The following SETX variants were observed in gnomAD, a reference collection of about 807,000 sequenced individuals.
SETX encodes helicase senataxin.
SETX carries 90 observed loss-of-function variants against 227.2 expected under a neutral mutation model. That is an observed-to-expected ratio of 0.40 (90% CI 0.33 to 0.47). The LOEUF is 0.47. Among genes scored for constraint, SETX ranks in the 20% least tolerant of loss-of-function variants. The pLI, the probability that SETX is intolerant of heterozygous loss-of-function variation, is 0.91. For missense variants in SETX, 3,052 were observed against 3,181.5 expected, an observed-to-expected ratio of 0.96 and a Z score of 0.98; for synonymous variants, 1,210 against 1,113.2, an observed-to-expected ratio of 1.09 and a Z score of -1.73.
At chr9:132,306,645 T>G (rs1451759993) in intron 11 of SETX, among the ~76,000 whole-genome samples, 5 of 152,250 alleles carry the variant, frequency 3.3e-5, no homozygotes, top group African/African-American at 4.8e-5. Context: ...AAATTCATCT[T>G]TGTTGATTTA....
At chr9:132,324,622 C>T (rs1449023758) in intron 10 of SETX, among the ~76,000 whole-genome samples, 2 of 152,178 alleles carry the variant, frequency 1.3e-5, no homozygotes, top group Non-Finnish European at 2.9e-5. Flanking sequence ...TGTTCTAGAT[C>T]ATACTAGAGT....
chr9:132,311,668 C>T (rs575398593), intron 11 of SETX, 89 bp downstream of exon 11: 6 of 905,226 alleles, frequency 6.6e-6, no homozygotes, highest in South Asian at 2.9e-5. Flanking sequence ...AATTTGTGTC[C>T]CCCTAAATTC....
chr9:132,285,156 C>T (rs1041315810), intron 18 of SETX, among the ~76,000 whole-genome samples: 1 of 151,980 alleles, frequency 6.6e-6, no homozygotes, highest in East Asian at 1.9e-4. Context: ...GGAGTACAGG[C>T]GTGAGCCACC....
intron 3 of SETX, 26 bp downstream of exon 3, chr9:132,349,226 A>C: frequency 6.2e-7 from 1 of 1,610,442 alleles, no homozygotes; most frequent in Non-Finnish European, 8.5e-7. Context: ...AGCTCTGAAA[A>C]ATATTGCCCA....
intron 11 of SETX, among the ~76,000 whole-genome samples, chr9:132,308,179 G>T (rs970183799): frequency 2.0e-5 from 3 of 152,148 alleles, no homozygotes; most frequent in African/African-American, 7.2e-5. Context: ...ACAAGCAGCT[G>T]TGATTATCAG....
chr9:132,287,673 T>A (rs2131241880), intron 17 of SETX, among the ~76,000 whole-genome samples: 1 of 151,216 alleles, frequency 6.6e-6, no homozygotes, highest in Non-Finnish European at 1.5e-5. Context: ...TACTAGAATA[T>A]CTTGCCCTTT....
chr9:132,322,934 C>T (rs775665046), intron 10 of SETX, among the ~76,000 whole-genome samples: 63 of 151,958 alleles, frequency 4.1e-4, no homozygotes, highest in Middle Eastern at 3.4e-3. Context: ...TAAAAATACG[C>T]TAAAAAGGAT....
Position 132,278,401 on chromosome 9 carries a change from GGT to G in SETX, c.6655-146_6655-145del, listed in dbSNP as rs1459091309. On this transcript the variant is annotated intron_variant, in intron 20 of 25. Transcript: ENST00000224140. ...ACCAACCACAGCTTCAGAGAAAAAA[GGT>G]GTTTCTGACTCTGAGCCTCAAAATG... is the stretch of plus-strand genomic sequence containing the variant. The G allele has an allele frequency of 1.0e-5, 5 of 487,656 alleles. No individual in the cohort carries two copies. The East Asian group carries it at 1.8e-4, about 18-fold the overall frequency. 30.2% of individuals were successfully genotyped at this position (487,656 alleles called of 1,614,324 possible). A position where few individuals can be genotyped will look rare whatever the true frequency, so the allele number is the denominator to read the frequency against.
chr9:132,269,484 A>T, intron 25 of SETX, 131 bp downstream of exon 25: 1 of 1,596,886 alleles, frequency 6.3e-7, no homozygotes, highest in Non-Finnish European at 8.6e-7. Flanking sequence ...TCCTAGGAAG[A>T]AGTTGCTGGA....
intron 10 of SETX, among the ~76,000 whole-genome samples, chr9:132,315,748 A>C (rs1051632113): frequency 6.6e-6 from 1 of 152,128 alleles, no homozygotes; most frequent in Non-Finnish European, 1.5e-5. Flanking sequence ...ATTCTTCCTT[A>C]CCCATCTCAG....
At chr9:132,269,479 GGAA>G in intron 25 of SETX, 133 bp downstream of exon 25, 1 of 1,595,734 alleles carries the variant, frequency 6.3e-7, no homozygotes, top group Non-Finnish European at 8.6e-7. Flanking sequence ...AAAGCTCCTA[GGAA>G]GAAGTTGCTG....
rs1011378 is a variant in SETX, at chr9:132,330,572, A to G, written c.1099-73T>C. On this transcript the variant is annotated intron_variant, in intron 9 of 25. Transcript: ENST00000224140. ...GACAGGTTCAACACCCAAGTCGTTA[A>G]GAAAAATACGTTTCTCAACTCTCTT... 62,228 of 1,293,326 alleles carry G rather than the reference A, an allele frequency of 0.048. 2,521 individuals carry two copies. The highest frequency in any genetic ancestry group is 0.25 in the East Asian group (10,334 of 41,762). The allele number at this position is 1,293,326 out of a possible 1,614,324, so 80.1% of individuals were successfully genotyped here.
intron 25 of SETX, among the ~76,000 whole-genome samples, 165 bp from the exon 26 acceptor site, chr9:132,265,150 A>G (rs1842578182): frequency 6.6e-6 from 1 of 150,626 alleles, no homozygotes; most frequent in African/African-American, 2.5e-5. Context: ...AAATAAATTC[A>G]AATAAAAAAT....
At chr9:132,316,685 T>C (rs774270589) in intron 10 of SETX, among the ~76,000 whole-genome samples, 5 of 152,194 alleles carry the variant, frequency 3.3e-5, no homozygotes, top group East Asian at 1.9e-4. Context: ...CCCCACTGAT[T>C]TGTGATGTCC....
At chr9:132,293,369 T>C (rs1222235515) in intron 15 of SETX, among the ~76,000 whole-genome samples, 1 of 152,032 alleles carries the variant, frequency 6.6e-6, no homozygotes, top group East Asian at 1.9e-4. Flanking sequence ...AAAATGAAAG[T>C]ACTGAAAAAG....
rs1464623855 is a variant in SETX at position 132,329,081 on chromosome 9, G to A, written c.2517C>T (p.His839=). ...TGVQKGDGFI[H]NLSLDPSGVL... ...CACCACTAGGGTCTAAAGAAAGATT[G>A]TGTATGAAACCATCTCCTTTCTGAA... Residue 839 remains histidine (H), a synonymous_variant, in exon 10 of 26, where the codon CAC becomes CAT. Coordinates refer to ENST00000224140, the MANE Select transcript of SETX (RefSeq NM_015046.7). The A allele has an allele frequency of 1.2e-6, 2 of 1,610,262 alleles. No homozygotes were observed. Among genetic ancestry groups the A allele is most frequent in the East Asian group, 4.5e-5 (2 of 44,836 alleles).
At chr9:132,274,744 C>G (rs960581747) in intron 23 of SETX, among the ~76,000 whole-genome samples, 2 of 152,088 alleles carry the variant, frequency 1.3e-5, no homozygotes, top group Admixed American at 6.6e-5. Context: ...CCACACCCAG[C>G]CTACAGGTCT....
rs191888366 is a variant in SETX at position 132,352,389 on chromosome 9, C to T, written c.-8+1260G>A. ...CTCTTCATTCAGTACTCTTTCTGGGCGGCCTACTTCAAACCACTGCTTCAA... is the reference window on the plus strand; with the variant it reads ...CTCTTCATTCAGTACTCTTTCTGGGTGGCCTACTTCAAACCACTGCTTCAA... On this transcript the variant is annotated intron_variant, in intron 2 of 25. Transcript: ENST00000224140. Among the ~76,000 whole-genome samples, 37 of 152,272 alleles carry T rather than the reference C, an allele frequency of 2.4e-4. No homozygotes were observed. In the East Asian group the frequency reaches 6.7e-3, roughly 28 times the overall value.
rs375632375 is a variant in SETX at position 132,296,042 on chromosome 9, C to T, written c.5950-14G>A. On this transcript the variant is annotated splice_polypyrimidine_tract_variant and intron_variant, in intron 14 of 25. Transcript: ENST00000224140. The stretch of plus-strand genomic sequence containing the variant: ...CTTCCTCTGGTTCTACAATTTGCCA[C>T]ATATACATACCAAACAAACACACAA... 9 of 1,614,044 alleles carry T rather than the reference C, an allele frequency of 5.6e-6. No individual in the cohort carries two copies. The highest frequency in any genetic ancestry group is 4.0e-5 in the African/African-American group (3 of 74,920).
Sources: allele counts gnomAD v4.1 joint callset (sites outside exome capture counted in the v4.1 genomes callset), GRCh38; gene constraint gnomAD v4.1.1; transcripts MANE v1.5; gene names NCBI Gene and HGNC (gene_info 2026-07-23, HGNC 2026-07-21).